The following NLGN1 variants were observed in gnomAD, a reference collection of about 807,000 sequenced individuals.
The protein encoded by NLGN1 is neuroligin-1.
NLGN1 carries 12 observed loss-of-function variants against 65.5 expected under a neutral mutation model. The ratio of observed to expected loss-of-function variants is 0.18; its 90% CI spans 0.12 to 0.30. NLGN1 has a LOEUF of 0.30. Ranked by LOEUF, NLGN1 falls within the 10% of genes least tolerant of loss-of-function variation. The pLI, the probability that NLGN1 is intolerant of heterozygous loss-of-function variation, is 1.00. For synonymous variants in NLGN1, 350 were observed against 359.5 expected, an observed-to-expected ratio of 0.97 and a Z score of 0.30; for missense variants, 750 against 1,007.1, an observed-to-expected ratio of 0.74 and a Z score of 3.46.
chr3:174,224,227 CATAATT>C (rs960312362), intron 4 of NLGN1, among the ~76,000 whole-genome samples: 1 of 152,134 alleles, frequency 6.6e-6, no homozygotes, highest in African/African-American at 2.4e-5. Flanking sequence ...ATAGAGGAAA[CATAATT>C]ATAAACTAAT....
chr3:174,159,799 G>A (rs1256907514), intron 4 of NLGN1, among the ~76,000 whole-genome samples: 1 of 151,674 alleles, frequency 6.6e-6, no homozygotes, highest in Non-Finnish European at 1.5e-5. Context: ...GAGCTTTTCA[G>A]CAATTATCCA....
intron 2 of NLGN1, among the ~76,000 whole-genome samples, chr3:173,553,536 T>A (rs1741225494): frequency 6.6e-6 from 1 of 152,206 alleles, no homozygotes; most frequent in African/African-American, 2.4e-5. Context: ...TGTCATGGGC[T>A]CTGTTGAAAG....
intron 4 of NLGN1, among the ~76,000 whole-genome samples, chr3:173,905,781 T>C (rs1738257878): frequency 2.0e-5 from 3 of 152,224 alleles, no homozygotes; most frequent in Admixed American, 1.3e-4. Flanking sequence ...TAGCCTTTCC[T>C]TGAAGCAAAA....
At chr3:173,887,659 G>C (rs555622879) in intron 4 of NLGN1, among the ~76,000 whole-genome samples, 1 of 151,748 alleles carries the variant, frequency 6.6e-6, no homozygotes, top group Non-Finnish European at 1.5e-5. Flanking sequence ...TTGCTATGTA[G>C]GATAGTTTAA....
chr3:173,838,651 G>A (rs1308698951), intron 4 of NLGN1, among the ~76,000 whole-genome samples: 1 of 152,132 alleles, frequency 6.6e-6, no homozygotes, highest in African/African-American at 2.4e-5. Context: ...AATGTCGAAT[G>A]AATGAATGAA....
intron 4 of NLGN1, among the ~76,000 whole-genome samples, chr3:174,157,697 C>T (rs1725712111): frequency 6.6e-6 from 1 of 151,650 alleles, no homozygotes; most frequent in Non-Finnish European, 1.5e-5. Context: ...TTAACCTCTT[C>T]GTCTGCTGGA....
At chr3:173,440,835 C>T (rs1321093549) in intron 2 of NLGN1, among the ~76,000 whole-genome samples, 1 of 152,178 alleles carries the variant, frequency 6.6e-6, no homozygotes, top group Non-Finnish European at 1.5e-5. Context: ...TAGCCCCTAA[C>T]AAAAGAGCCA....
Position 173,827,629 on chromosome 3 carries a change from A to ATGTGTGTGTGTGTGTGTG in NLGN1, c.646+19816_646+19833dup, listed in dbSNP as rs59670610. On this transcript the variant is annotated intron_variant, in intron 4 of 6. Transcript: ENST00000457714. ...ATGAGGGATCATATATATTTATGAT[A>ATGTGTGTGTGTGTGTGTG]TGTGTGTGTGTGTGTGTGTGTGTGT... is the stretch of plus-strand genomic sequence containing the variant. Among the ~76,000 whole-genome samples, 598 of 146,960 alleles carry ATGTGTGTGTGTGTGTGTG rather than the reference A, an allele frequency of 4.1e-3. 4 individuals carry two copies. Among genetic ancestry groups the ATGTGTGTGTGTGTGTGTG allele is most frequent in the African/African-American group, 0.012 (491 of 39,646 alleles).
At chr3:173,738,037 A>G (rs1371350399) in intron 3 of NLGN1, among the ~76,000 whole-genome samples, 1 of 151,942 alleles carries the variant, frequency 6.6e-6, no homozygotes. Flanking sequence ...CTTGTTGGCC[A>G]TTTCTATATC....
Position 173,612,508 on chromosome 3 carries a change from C to A in NLGN1, c.493+7417C>A, listed in dbSNP as rs546674127. ...GAGGTTACTAATAGTCCTTGCTGTT[C>A]CTTGGCTTGTAGTTGCATCACTCCA... On this transcript the variant is annotated intron_variant, in intron 3 of 6. Coordinates refer to ENST00000457714, the Ensembl canonical transcript of NLGN1. Among the ~76,000 whole-genome samples the A allele has an allele frequency of 3.9e-5, 6 of 152,068 alleles. No homozygotes were observed. In the South Asian group the frequency reaches 1.0e-3, roughly 26 times the overall value.
At chr3:174,277,251 C>A (rs692400) in intron 5 of NLGN1, among the ~76,000 whole-genome samples, 16,046 of 151,872 alleles carry the variant, frequency 0.11, 980 homozygotes, top group African/African-American at 0.14. Context: ...TCCAATGGAG[C>A]TATAAACTTT....
intron 4 of NLGN1, among the ~76,000 whole-genome samples, chr3:174,160,514 C>CT (rs1188513796): frequency 6.9e-4 from 104 of 151,606 alleles, no homozygotes; most frequent in African/African-American, 2.4e-3. Flanking sequence ...TCCACAAGAG[C>CT]TTTTCTTCAG....
At chr3:174,137,094 G>A (rs1482053353) in intron 4 of NLGN1, among the ~76,000 whole-genome samples, 1 of 152,066 alleles carries the variant, frequency 6.6e-6, no homozygotes, top group Non-Finnish European at 1.5e-5. Flanking sequence ...TGACTACCGT[G>A]CTGAAAGTGA....
At chr3:173,648,100 A>G (rs1159102117) in intron 3 of NLGN1, among the ~76,000 whole-genome samples, 2 of 152,248 alleles carry the variant, frequency 1.3e-5, no homozygotes, top group African/African-American at 4.8e-5. Flanking sequence ...TTAAAACAAC[A>G]CTGAAAAAGA....
chr3:174,035,824 A>C (rs558009656), intron 4 of NLGN1, among the ~76,000 whole-genome samples: 1 of 152,246 alleles, frequency 6.6e-6, no homozygotes, highest in East Asian at 1.9e-4. Context: ...GAAGAAATCC[A>C]GGTGCTGGCA....
intron 2 of NLGN1, among the ~76,000 whole-genome samples, chr3:173,459,399 A>G (rs1035019212): frequency 6.6e-6 from 1 of 152,080 alleles, no homozygotes; most frequent in African/African-American, 2.4e-5. Context: ...TTTAATTGCA[A>G]ATATGCTTGG....
intron 3 of NLGN1, among the ~76,000 whole-genome samples, chr3:173,786,626 G>A (rs896101605): frequency 5.3e-5 from 8 of 151,990 alleles, no homozygotes; most frequent in South Asian, 4.1e-4. Context: ...CACTACTGCC[G>A]TGCTTAATAG....
At chr3:173,448,327 T>C (rs1002706104) in intron 2 of NLGN1, among the ~76,000 whole-genome samples, 5 of 152,244 alleles carry the variant, frequency 3.3e-5, no homozygotes, top group Admixed American at 2.6e-4. Flanking sequence ...AATCATGTGA[T>C]TTTTGTCTTT....
chr3:173,797,743 A>G (rs934233128), intron 3 of NLGN1, among the ~76,000 whole-genome samples: 2 of 151,918 alleles, frequency 1.3e-5, no homozygotes, highest in Non-Finnish European at 2.9e-5. Context: ...TGATCCATCA[A>G]CCATGCATCC....
Sources: gnomAD v4.1 joint callset for allele counts (sites outside exome capture counted in the v4.1 genomes callset) on GRCh38, gnomAD v4.1.1 for gene constraint, MANE v1.5 for transcripts, NCBI Gene and HGNC (gene_info 2026-07-23, HGNC 2026-07-21) for gene names.